Variants in FCRL6 observed in about 807,000 individuals in gnomAD.
The protein encoded by FCRL6 is Fc receptor like 6.
A neutral mutation model predicts 49.1 loss-of-function variants in FCRL6; 50 were observed. The ratio of observed to expected loss-of-function variants is 1.02; its 90% confidence interval spans 0.81 to 1.29. The LOEUF is 1.29. Ranked by LOEUF, FCRL6 falls within the 50% of genes most tolerant of loss-of-function variation. FCRL6 has a pLI of 0.00. For missense variants in FCRL6, 571 were observed against 518.5 expected (o/e 1.10, Z -0.98); for synonymous variants, 213 against 199.6 (o/e 1.07, Z -0.57).
chr1:159,808,850 C>A, intron 3 of FCRL6, 111 bp from the exon 4 acceptor site: 1 of 1,162,852 alleles, frequency 8.6e-7, no homozygotes, highest in Non-Finnish European at 1.2e-6. Flanking sequence ...AACTGCCTCC[C>A]ATCGGGGTCC....
chr1:159,806,875 G>C (rs1050811477), intron 2 of FCRL6, among the ~76,000 whole-genome samples: 9 of 152,194 alleles, frequency 5.9e-5, no homozygotes, highest in Admixed American at 4.6e-4. Flanking sequence ...ACCCTTAAAA[G>C]TGTCTGTGGC....
chr1:159,816,192 A>C lies in FCRL6; in HGVS notation c.*531A>C, dbSNP rs1251072434. 1 of 168,456 alleles carries C rather than the reference A, an allele frequency of 5.9e-6. No homozygotes were observed. The highest frequency in any genetic ancestry group is 1.5e-4 in the East Asian group (1 of 6,892). The allele number at this position is 168,456 out of a possible 1,614,324, so 10.4% of individuals were successfully genotyped here. A position where few individuals can be genotyped will look rare whatever the true frequency, so the allele number is the denominator to read the frequency against. Reference sequence around the variant, plus strand: ...CGCTAGTCATATACAAATATAGCACATACAATTATGTACAGTACACTATAC... The same window carrying C: ...CGCTAGTCATATACAAATATAGCACCTACAATTATGTACAGTACACTATAC... On this transcript the variant is annotated 3_prime_UTR_variant, in exon 10 of 10. Transcript: ENST00000368106.
At chr1:159,805,143 G>T (rs1662594422) in intron 1 of FCRL6, among the ~76,000 whole-genome samples, 1 of 152,158 alleles carries the variant, frequency 6.6e-6, no homozygotes, top group Admixed American at 6.5e-5. Context: ...TCATAGATGG[G>T]GGTTAGGGGT....
chr1:159,809,102 A>C lies in FCRL6; in HGVS notation c.461A>C (p.His154Pro). The change falls in exon 4 of 10, where the codon CAC becomes CCC. Residue 154 changes from histidine to proline, a missense_variant. His to Pro is a moderately conservative substitution (Grantham distance 77, BLOSUM62 -2). Transcript: ENST00000368106. ...RLLFSFHKDG[H>P]TLQDRGPHPE... ...CTTTTCTCCTTCCACAAGGACGGCC[A>C]CACCTTGCAGGACAGGGGCCCTCAC... is the stretch of plus-strand genomic sequence containing the variant. The C allele has an allele frequency of 1.9e-6, 3 of 1,614,056 alleles. No homozygotes were observed. Among genetic ancestry groups the C allele is most frequent in the Non-Finnish European group, 2.5e-6 (3 of 1,179,970 alleles).
In FCRL6 at chr1:159,808,170, T is replaced by C. The variant is rs1305538291; in HGVS notation, c.53-8T>C. 6.9e-6 allele frequency: 11 copies of C among 1,604,842 alleles called. No homozygotes were observed. Among genetic ancestry groups the C allele is most frequent in the South Asian group, 6.7e-5 (6 of 90,200 alleles). On this transcript the variant is annotated splice_polypyrimidine_tract_variant and splice_region_variant and intron_variant, in intron 2 of 9. Coordinates refer to ENST00000368106, the MANE Select transcript of FCRL6 (RefSeq NM_001004310.3). ...GCTCCAGGGCTGCCCTGTTCCTCTG[T>C]CTCGCAGTCTGGCTGTACCTCCAAG...
At chr1:159,811,163 A>C (rs1663065452) in intron 6 of FCRL6, among the ~76,000 whole-genome samples, 1 of 152,240 alleles carries the variant, frequency 6.6e-6, no homozygotes, top group Non-Finnish European at 1.5e-5. Flanking sequence ...ATAATTAAGA[A>C]TGAATGTTGG....
rs752799526 is a variant in FCRL6, at chr1:159,809,731, G to A, written c.886+48G>A. On this transcript the variant is annotated intron_variant, in intron 5 of 9. Coordinates refer to ENST00000368106, the MANE Select transcript of FCRL6 (RefSeq NM_001004310.3). ...GCTTTGAGCCCCAGCAAGCTGGCAG[G>A]GGTCAGATCTCACCCTCTGTGTACC... is the stretch of plus-strand genomic sequence containing the variant. 3 of 1,545,560 alleles carry A rather than the reference G, an allele frequency of 1.9e-6. No homozygotes were observed. In the South Asian group the frequency reaches 3.4e-5, roughly 18 times the overall value.
At chr1:159,807,206 G>A (rs368907051) in intron 2 of FCRL6, among the ~76,000 whole-genome samples, 3 of 152,230 alleles carry the variant, frequency 2.0e-5, no homozygotes, top group Admixed American at 6.5e-5. Context: ...CCTGCTGTTC[G>A]GTAATGCGGT....
chr1:159,813,465 G>T (rs765362464), intron 6 of FCRL6, 24 bp from the exon 7 acceptor site: 6 of 1,609,388 alleles, frequency 3.7e-6, no homozygotes, highest in Non-Finnish European at 2.6e-6. Flanking sequence ...GACACCCAGT[G>T]AATCATGCCC....
At chr1:159,805,313 A>G (rs1662604960) in intron 1 of FCRL6, among the ~76,000 whole-genome samples, 2 of 152,170 alleles carry the variant, frequency 1.3e-5, no homozygotes, top group Non-Finnish European at 2.9e-5. Flanking sequence ...ACAGAGCCAA[A>G]CATCTGCTCT....
chr1:159,815,422 C>T lies in FCRL6; in HGVS notation c.1148-6C>T, dbSNP rs745929830. On this transcript the variant is annotated splice_region_variant and splice_polypyrimidine_tract_variant and intron_variant, in intron 8 of 9. Coordinates refer to ENST00000368106, the MANE Select transcript of FCRL6 (RefSeq NM_001004310.3). ...GACCTGACCTGAGCTCATTCTTTCCCCACAGCCAGGTCTGCTGAGTTCACC... is the reference window on the plus strand; with the variant it reads ...GACCTGACCTGAGCTCATTCTTTCCTCACAGCCAGGTCTGCTGAGTTCACC... 1 of 1,613,626 alleles carries T rather than the reference C, an allele frequency of 6.2e-7. No homozygotes were observed. The highest frequency in any genetic ancestry group is 8.5e-7 in the Non-Finnish European group (1 of 1,179,584).
chr1:159,815,494 C>G (rs4411129), intron 9 of FCRL6, 35 bp downstream of exon 9: 1,166,653 of 1,613,770 alleles, frequency 0.72, 424,367 homozygotes, highest in African/African-American at 0.93. Context: ...CTCACCCTCT[C>G]TCTTACATTT....
At chr1:159,801,453 G>A (rs1557868605), upstream of FCRL6, among the ~76,000 whole-genome samples, 2 of 152,206 alleles carry the variant, frequency 1.3e-5, no homozygotes, top group South Asian at 4.1e-4. Context: ...GGCTCCCCCA[G>A]ACCCAGCTCA....
intron 7 of FCRL6, 103 bp downstream of exon 7, chr1:159,813,657 G>A (rs1663217909): frequency 1.0e-6 from 1 of 997,072 alleles, no homozygotes; most frequent in Non-Finnish European, 1.6e-6. Context: ...CTCAGGAATT[G>A]GAGTGATCTG....
rs1193741004 is a variant in FCRL6, at chr1:159,809,209, C to A, written c.568C>A (p.Gln190Lys). The change falls in exon 4 of 10, where the codon CAG becomes AAG. Residue 190 changes from glutamine to lysine, a missense_variant. By Grantham distance (53) the Gln-to-Lys change is moderately conservative. Transcript: ENST00000368106. ...GGTGGCCCCTGAGGGTGGCCAGGTC[C>A]AGAAGCAGAGCCCCCAGCTGGAGGT... ...CEVAPEGGQV[Q>K]KQSPQLEVRV... The A allele has an allele frequency of 6.3e-7, 1 of 1,585,658 alleles. No homozygotes were observed. The highest frequency in any genetic ancestry group is 8.6e-7 in the Non-Finnish European group (1 of 1,167,326).
intron 6 of FCRL6, among the ~76,000 whole-genome samples, chr1:159,813,096 A>G (rs1422343770): frequency 1.3e-5 from 2 of 152,200 alleles, no homozygotes; most frequent in African/African-American, 4.8e-5. Flanking sequence ...TGTGCTGGTC[A>G]CTGGTTAGGT....
chr1:159,812,540 G>C (rs768963106), intron 6 of FCRL6, among the ~76,000 whole-genome samples: 8 of 152,192 alleles, frequency 5.3e-5, no homozygotes, highest in Non-Finnish European at 1.2e-4. Context: ...TTTACTACCA[G>C]TTGTCACACA....
At position 159,815,434 on chromosome 1, in the gene FCRL6, C is replaced by T; in HGVS notation, c.1154C>T (p.Ser385Phe). 1 of 1,614,018 alleles carries T rather than the reference C, an allele frequency of 6.2e-7. No homozygotes were observed. ...HRTSKRSEARSAEFTVGRKDS... is the reference protein window; with the variant it reads ...HRTSKRSEARFAEFTVGRKDS... Reference sequence around the variant, plus strand: ...GCTCATTCTTTCCCCACAGCCAGGTCTGCTGAGTTCACCGTGGGGAGAAAG... The same window carrying T: ...GCTCATTCTTTCCCCACAGCCAGGTTTGCTGAGTTCACCGTGGGGAGAAAG... The change falls in exon 9 of 10, where the codon TCT (serine) becomes TTT (phenylalanine). Residue 385 changes from serine (S) to phenylalanine (F), a missense_variant. Transcript: ENST00000368106.
chr1:159,809,838 C>T lies in FCRL6; in HGVS notation c.886+155C>T, dbSNP rs565099176. On this transcript the variant is annotated intron_variant, in intron 5 of 9. Coordinates refer to ENST00000368106, the MANE Select transcript of FCRL6 (RefSeq NM_001004310.3). ...GGACCCTAATTAGTCCATCTGTCCA[C>T]TGAGCCTGGCAGAGAAATATTGAAG... Among the ~76,000 whole-genome samples the T allele has an allele frequency of 2.6e-5, 4 of 152,274 alleles. No individual in the cohort carries two copies. In the South Asian group the frequency reaches 6.2e-4, roughly 24 times the overall value.
Sources: gnomAD v4.1 joint callset for allele counts (sites outside exome capture counted in the v4.1 genomes callset) on GRCh38, gnomAD v4.1.1 for gene constraint, MANE v1.5 for transcripts, NCBI Gene and HGNC (gene_info 2026-07-23, HGNC 2026-07-21) for gene names.